The following CCDC81 variants were observed in gnomAD, a reference collection of about 807,000 sequenced individuals.
CCDC81 encodes coiled-coil domain-containing protein 81.
In CCDC81, 79 loss-of-function variants were observed where a neutral mutation model predicts 83.7. That is an observed-to-expected ratio of 0.94 (90% CI 0.79 to 1.14). CCDC81 has a LOEUF of 1.14. CCDC81 is among the 50% of genes most tolerant of loss of function. The pLI is 0.00. For synonymous variants in CCDC81, 252 were observed against 278.1 expected (o/e 0.91, Z 0.93); for missense variants, 791 against 778.1 (o/e 1.02, Z -0.20).
chr11:86,392,406 A>G (rs976894362), intron 3 of CCDC81, 135 bp from the exon 4 acceptor site: 8 of 994,942 alleles, frequency 8.0e-6, no homozygotes, highest in African/African-American at 1.6e-5. Flanking sequence ...TACATTGGGT[A>G]CAACTAAAAG....
chr11:86,421,435 G>T (rs376571331), intron 14 of CCDC81, among the ~76,000 whole-genome samples: 2 of 151,956 alleles, frequency 1.3e-5, no homozygotes, highest in African/African-American at 2.4e-5. Context: ...TCAGCATCCC[G>T]ACTAGCTGGG....
chr11:86,385,249 GT>G (rs1948226176), intron 1 of CCDC81, among the ~76,000 whole-genome samples: 1 of 152,142 alleles, frequency 6.6e-6, no homozygotes, highest in African/African-American at 2.4e-5. Context: ...GCCAGGCATG[GT>G]GGCTGGCGCC....
intron 3 of CCDC81, among the ~76,000 whole-genome samples, chr11:86,390,555 G>T (rs77931709): frequency 6.6e-6 from 1 of 152,308 alleles, no homozygotes; most frequent in East Asian, 1.9e-4. Context: ...TACTCTTTCA[G>T]TTACAGTAGT....
At chr11:86,405,785 CTTTT>C (rs146946869) in intron 7 of CCDC81, among the ~76,000 whole-genome samples, 6 of 128,608 alleles carry the variant, frequency 4.7e-5, no homozygotes, top group Non-Finnish European at 6.6e-5. Context: ...CTTCTTTTTT[CTTTT>C]TTTTTTTTTT....
At chr11:86,376,080 G>A (rs1230241448) in intron 1 of CCDC81, among the ~76,000 whole-genome samples, 1 of 152,150 alleles carries the variant, frequency 6.6e-6, no homozygotes, top group Non-Finnish European at 1.5e-5. Context: ...AGTCATTCAA[G>A]GAATTCTGAA....
chr11:86,422,345 G>C (rs1284953569), intron 14 of CCDC81, among the ~76,000 whole-genome samples: 1 of 152,196 alleles, frequency 6.6e-6, no homozygotes. Context: ...GGGAGGGGTA[G>C]GGTCAGACTG....
intron 4 of CCDC81, 75 bp from the exon 5 acceptor site, chr11:86,395,259 G>A (rs1446848312): frequency 2.0e-5 from 23 of 1,131,442 alleles, no homozygotes; most frequent in Non-Finnish European, 2.9e-5. Context: ...CCTTGCCTAT[G>A]AGCCTGCAGT....
intron 3 of CCDC81, among the ~76,000 whole-genome samples, chr11:86,391,545 T>G (rs1948329787): frequency 6.6e-6 from 1 of 152,184 alleles, no homozygotes; most frequent in South Asian, 2.1e-4. Context: ...AAGCTAGATA[T>G]AATCGTATTC....
chr11:86,396,500 T>C lies in CCDC81; in HGVS notation c.635+1087T>C, dbSNP rs1425638245. 2.0e-5 allele frequency among the ~76,000 whole-genome samples: 3 copies of C among 152,176 alleles called. 1 individual carries two copies. In the South Asian group the frequency reaches 6.2e-4, roughly 32 times the overall value. On this transcript the variant is annotated intron_variant, in intron 5 of 14. Transcript: ENST00000445632. ...CTAGCTTCCTAAAGCATTATTACTT[T>C]AGGAAGTATGAGTAAAGTATAAAAG...
chr11:86,402,151 A>AAAG (rs1948500171), intron 7 of CCDC81, among the ~76,000 whole-genome samples: 1 of 151,322 alleles, frequency 6.6e-6, no homozygotes, highest in Non-Finnish European at 1.5e-5. Context: ...AAAAAAAAAA[A>AAAG]AAGAAGTTAA....
chr11:86,413,897 C>T (rs1010721388), intron 11 of CCDC81, among the ~76,000 whole-genome samples: 2 of 152,116 alleles, frequency 1.3e-5, no homozygotes, highest in African/African-American at 4.8e-5. Flanking sequence ...CACATTTTTG[C>T]TGCTGAGATT....
At chr11:86,384,733 C>T (rs1255709360) in intron 1 of CCDC81, among the ~76,000 whole-genome samples, 4 of 152,170 alleles carry the variant, frequency 2.6e-5, no homozygotes, top group Non-Finnish European at 5.9e-5. Context: ...TTGTTAATGT[C>T]ACTGTTCTTG....
intron 1 of CCDC81, among the ~76,000 whole-genome samples, chr11:86,379,992 A>G (rs948418998): frequency 6.6e-6 from 1 of 152,048 alleles, no homozygotes; most frequent in South Asian, 2.1e-4. Context: ...TCTCAAAGAA[A>G]AAAAAAGTTT....
At chr11:86,389,343 C>T (rs980111971) in intron 3 of CCDC81, among the ~76,000 whole-genome samples, 1 of 152,100 alleles carries the variant, frequency 6.6e-6, no homozygotes, top group Admixed American at 6.5e-5. Flanking sequence ...GATTCTTCAT[C>T]ATTAATTAAC....
chr11:86,393,860 G>A (rs887367107), intron 4 of CCDC81, among the ~76,000 whole-genome samples: 10 of 152,046 alleles, frequency 6.6e-5, no homozygotes, highest in African/African-American at 2.4e-4. Flanking sequence ...GAATTATTAT[G>A]GAATGTTATA....
intron 6 of CCDC81, among the ~76,000 whole-genome samples, chr11:86,399,507 G>A (rs1233749435): frequency 6.6e-6 from 1 of 151,950 alleles, no homozygotes; most frequent in African/African-American, 2.4e-5. Flanking sequence ...GTAGAAACAG[G>A]GTTTTGCCAT....
chr11:86,386,024 T>C (rs778438967), intron 1 of CCDC81, 27 bp from the exon 2 acceptor site: 2 of 1,326,788 alleles, frequency 1.5e-6, no homozygotes, highest in Admixed American at 1.8e-5. Context: ...ATAAATTGAA[T>C]AATTTCTGGT....
In CCDC81 at chr11:86,386,106, G is replaced by A; in HGVS notation, c.135G>A (p.Leu45=). ...AATTTGTGAGACGGCAGTTAACCCT[G>A]CACAAGGTAAGATTTATTAATTTAT... is the stretch of plus-strand genomic sequence containing the variant. ...VSEFVRRQLT[L]HKGVQIPAFG... Residue 45 remains leucine, a synonymous_variant, in exon 2 of 15, where the codon CTG becomes CTA. Transcript: ENST00000445632. 1.4e-6 allele frequency: 2 copies of A among 1,393,258 alleles called. No homozygotes were observed. The highest frequency in any genetic ancestry group is 1.5e-5 in the South Asian group (1 of 67,550). 86.3% of individuals were successfully genotyped at this position (1,393,258 alleles called of 1,614,324 possible). A position where few individuals can be genotyped will look rare whatever the true frequency, so the allele number is the denominator to read the frequency against.
In CCDC81 at chr11:86,420,356, G is replaced by A. The variant is rs113216183; in HGVS notation, c.1817+303G>A. The stretch of plus-strand genomic sequence containing the variant: ...TCTCTTTGGAAATAACTATTTGGAA[G>A]TAGGGGGAGTGAGTTTCCAATCTGA... On this transcript the variant is annotated intron_variant, in intron 14 of 14. Transcript: ENST00000445632. Among the ~76,000 whole-genome samples, 1,022 of 152,284 alleles carry A rather than the reference G, an allele frequency of 6.7e-3. 8 individuals carry two copies. Among genetic ancestry groups the A allele is most frequent in the African/African-American group, 0.022 (904 of 41,572 alleles).
Sources: allele counts gnomAD v4.1 joint callset (sites outside exome capture counted in the v4.1 genomes callset), GRCh38; gene constraint gnomAD v4.1.1; transcripts MANE v1.5; gene names NCBI Gene and HGNC (gene_info 2026-07-23, HGNC 2026-07-21).